The following ABCA13 variants were observed in gnomAD, a reference collection of about 807,000 sequenced individuals.
ABCA13 encodes the protein ATP binding cassette subfamily A member 13.
In ABCA13, 476 loss-of-function variants were observed where a neutral mutation model predicts 478.7. The observed-to-expected ratio is 0.99, with a 90% CI of 0.92 to 1.07. ABCA13 has a LOEUF of 1.07. Among genes scored for constraint, ABCA13 ranks in the 50% least tolerant of loss-of-function variants. The pLI is 0.00. For missense variants in ABCA13, 6,060 were observed against 5,910.6 expected (o/e 1.03, Z -0.83); for synonymous variants, 2,252 against 2,158.9 (o/e 1.04, Z -1.20).
chr7:48,475,336 G>A (rs904480729), intron 45 of ABCA13, among the ~76,000 whole-genome samples: 1 of 152,026 alleles, frequency 6.6e-6, no homozygotes, highest in South Asian at 2.1e-4. Flanking sequence ...CCAGTTCTCT[G>A]GTCTTTAGTG....
chr7:48,235,824 C>T (rs972618647), intron 8 of ABCA13, among the ~76,000 whole-genome samples: 7 of 112,960 alleles, frequency 6.2e-5, no homozygotes, highest in African/African-American at 2.4e-4. Context: ...TGTAGATCTT[C>T]CCTGATGACC....
intron 3 of ABCA13, among the ~76,000 whole-genome samples, chr7:48,202,954 G>A (rs1465062629): frequency 1.3e-5 from 2 of 152,234 alleles, no homozygotes; most frequent in African/African-American, 4.8e-5. Flanking sequence ...TGGGCGCCGT[G>A]GAGCAGGGGG....
intron 58 of ABCA13, among the ~76,000 whole-genome samples, chr7:48,614,750 T>C (rs1049756414): frequency 2.7e-5 from 4 of 149,568 alleles, no homozygotes; most frequent in African/African-American, 7.3e-5. Context: ...ATGGATGAAA[T>C]TGGAAATCAT....
intron 42 of ABCA13, among the ~76,000 whole-genome samples, chr7:48,443,500 C>T (rs915482561): frequency 5.3e-5 from 8 of 152,212 alleles, no homozygotes; most frequent in Admixed American, 5.2e-4. Context: ...TAGTTATTTA[C>T]TGTGTCCTAC....
intron 24 of ABCA13, among the ~76,000 whole-genome samples, chr7:48,312,665 G>T (rs1801951847): frequency 6.6e-6 from 1 of 152,220 alleles, no homozygotes; most frequent in Non-Finnish European, 1.5e-5. Flanking sequence ...TAGGAGGATT[G>T]AGATGATGTG....
intron 32 of ABCA13, among the ~76,000 whole-genome samples, chr7:48,370,663 G>T (rs1206154715): frequency 6.6e-6 from 1 of 152,104 alleles, no homozygotes; most frequent in Non-Finnish European, 1.5e-5. Context: ...TGAAATCAAG[G>T]TGGAAACTAA....
At chr7:48,447,624 G>T (rs1025092858) in intron 42 of ABCA13, among the ~76,000 whole-genome samples, 3 of 152,166 alleles carry the variant, frequency 2.0e-5, no homozygotes, top group Non-Finnish European at 4.4e-5. Context: ...AACTGCAGAG[G>T]TGGTATTAGG....
intron 26 of ABCA13, among the ~76,000 whole-genome samples, chr7:48,316,284 C>T (rs1802566356): frequency 6.6e-6 from 1 of 152,096 alleles, no homozygotes; most frequent in Non-Finnish European, 1.5e-5. Context: ...AAAGACAGTT[C>T]AGTAGTAACT....
intron 20 of ABCA13, among the ~76,000 whole-genome samples, chr7:48,292,645 A>G (rs1798697606): frequency 6.6e-6 from 1 of 152,094 alleles, no homozygotes; most frequent in African/African-American, 2.4e-5. Context: ...CACCCACCTC[A>G]GGGCCTTTGC....
intron 1 of ABCA13, among the ~76,000 whole-genome samples, chr7:48,180,429 G>GT (rs1244100690): frequency 1.1e-4 from 16 of 151,686 alleles, no homozygotes; most frequent in Admixed American, 6.6e-5. Context: ...GATATCTTTT[G>GT]TTTTTTTTGA....
At chr7:48,196,198 G>A (rs895404527) in intron 2 of ABCA13, among the ~76,000 whole-genome samples, 1 of 152,170 alleles carries the variant, frequency 6.6e-6, no homozygotes, top group African/African-American at 2.4e-5. Context: ...GGAAAGGGTA[G>A]CTTATGATGT....
intron 42 of ABCA13, among the ~76,000 whole-genome samples, chr7:48,447,800 G>C (rs1435524918): frequency 6.6e-6 from 1 of 152,156 alleles, no homozygotes; most frequent in Non-Finnish European, 1.5e-5. Context: ...TGAGATTAAA[G>C]CTGAAGATAT....
At chr7:48,600,561 TA>T (rs1790783644) in intron 58 of ABCA13, among the ~76,000 whole-genome samples, 3 of 152,182 alleles carry the variant, frequency 2.0e-5, no homozygotes, top group South Asian at 2.1e-4. Flanking sequence ...ATGTTTTATC[TA>T]TTTTTTTTAG....
chr7:48,575,984 A>G (rs1788140612), intron 55 of ABCA13, among the ~76,000 whole-genome samples: 2 of 152,174 alleles, frequency 1.3e-5, no homozygotes, highest in African/African-American at 4.8e-5. Flanking sequence ...CTGAACATGT[A>G]CAGACTTTTC....
At chr7:48,267,778 A>G (rs1795060249) in intron 15 of ABCA13, among the ~76,000 whole-genome samples, 1 of 152,056 alleles carries the variant, frequency 6.6e-6, no homozygotes, top group Admixed American at 6.6e-5. Flanking sequence ...GTCATTTTTG[A>G]TTGATTAATT....
In ABCA13 at chr7:48,314,265, T is replaced by C. The variant is rs1325630806; in HGVS notation, c.9715T>C (p.Phe3239Leu). The change falls in exon 26 of 62, where the codon TTT (phenylalanine) becomes CTT (leucine). Residue 3239 changes from phenylalanine (F) to leucine (L), a missense_variant. Phe to Leu is a conservative substitution (Grantham distance 22, BLOSUM62 0). Around this residue, in one of 3 missense-constraint regions of ABCA13, gnomAD observed 4,423 missense variants for 4,309.1 expected, o/e 1.03. Transcript: ENST00000435803. ...SQNVQARSSA[F>L]GSFQFVMKMV... is the part of the protein sequence containing the mutation. The stretch of plus-strand genomic sequence containing the variant: ...AAATGTCCAGGCCAGAAGTTCAGCT[T>C]TTGGTTCTTTCCAGTTTGTGATGAA... 6.8e-6 allele frequency: 11 copies of C among 1,613,308 alleles called. No homozygotes were observed. The South Asian group carries it at 1.2e-4, about 18-fold the overall frequency.
At chr7:48,458,994 A>G (rs1461127993) in intron 43 of ABCA13, among the ~76,000 whole-genome samples, 1 of 152,168 alleles carries the variant, frequency 6.6e-6, no homozygotes, top group Non-Finnish European at 1.5e-5. Flanking sequence ...TCAGCCATTC[A>G]TGACCCAGGC....
chr7:48,293,098 C>T (rs552073436), intron 20 of ABCA13, among the ~76,000 whole-genome samples: 24 of 151,834 alleles, frequency 1.6e-4, no homozygotes, highest in Admixed American at 9.9e-4. Flanking sequence ...GTTCCCCCCA[C>T]AGTGAGATTT....
intron 38 of ABCA13, among the ~76,000 whole-genome samples, chr7:48,397,425 A>G (rs1816988232): frequency 6.6e-6 from 1 of 151,906 alleles, no homozygotes. Context: ...ATATATACTC[A>G]TTTCTTTCAA....
Sources: allele counts gnomAD v4.1 joint callset (sites outside exome capture counted in the v4.1 genomes callset), GRCh38; gene constraint gnomAD v4.1.1; regional missense constraint gnomAD v4.1.1; transcripts MANE v1.5; gene names NCBI Gene and HGNC (gene_info 2026-07-23, HGNC 2026-07-21).